IL12B: variants seen among roughly 807,000 people sequenced by gnomAD.
IL12B encodes interleukin 12B.
Under a neutral mutation model 39.2 loss-of-function variants are expected in IL12B, and 27 were observed. That is an observed-to-expected ratio of 0.69 (90% CI 0.51 to 0.95). The LOEUF is 0.95. IL12B is among the 40% of genes least tolerant of loss of function. The probability of loss-of-function intolerance (pLI) is 0.00; values close to 1 mark genes in which losing one functional copy is unlikely to be tolerated. For missense variants in IL12B, 351 were observed against 397.6 expected, an observed-to-expected ratio of 0.88 and a Z score of 1.00; for synonymous variants, 142 against 152.1, an observed-to-expected ratio of 0.93 and a Z score of 0.49.
chr5:159,321,366 TAC>T (rs745793598), intron 4 of IL12B, among the ~76,000 whole-genome samples: 1,107 of 85,686 alleles, frequency 0.013, 9 homozygotes, highest in African/African-American at 0.032. Flanking sequence ...TATATATATA[TAC>T]ACACACACAC....
intron 1 of IL12B, among the ~76,000 whole-genome samples, chr5:159,329,636 C>T (rs1171825572): frequency 4.0e-5 from 6 of 151,824 alleles, no homozygotes; most frequent in Non-Finnish European, 5.9e-5. Flanking sequence ...AAGGAATGTA[C>T]GGAAATCATA....
chr5:159,329,491 A>T (rs111240808), intron 1 of IL12B, among the ~76,000 whole-genome samples: 4 of 152,296 alleles, frequency 2.6e-5, no homozygotes, highest in African/African-American at 9.6e-5. Flanking sequence ...TGGCAACAAT[A>T]CAGTCTCTTC....
intron 6 of IL12B, among the ~76,000 whole-genome samples, chr5:159,317,128 G>A (rs1366067838): frequency 2.0e-5 from 3 of 152,198 alleles, no homozygotes; most frequent in African/African-American, 4.8e-5. Flanking sequence ...TGGTGAGAGA[G>A]AGACAGATTT....
chr5:159,319,527 G>A (rs1326242163), intron 5 of IL12B, among the ~76,000 whole-genome samples: 1 of 152,236 alleles, frequency 6.6e-6, no homozygotes, highest in Non-Finnish European at 1.5e-5. Flanking sequence ...AGAGGAGGCA[G>A]AGACATGCTA....
intron 3 of IL12B, 110 bp from the exon 4 acceptor site, chr5:159,322,621 G>A (rs188568627): frequency 9.1e-6 from 7 of 765,134 alleles, no homozygotes; most frequent in Admixed American, 3.8e-5. Flanking sequence ...TCTTCCATGC[G>A]TTGCCTCTTG....
At chr5:159,317,554 C>G (rs1754008512) in intron 6 of IL12B, among the ~76,000 whole-genome samples, 1 of 152,166 alleles carries the variant, frequency 6.6e-6, no homozygotes, top group Non-Finnish European at 1.5e-5. Context: ...TGAATTAGGG[C>G]TTTGTCCAGT....
At chr5:159,323,485 C>A (rs1754135715) in intron 2 of IL12B, among the ~76,000 whole-genome samples, 156 bp from the exon 3 acceptor site, 1 of 152,194 alleles carries the variant, frequency 6.6e-6, no homozygotes, top group Admixed American at 6.5e-5. Context: ...AGGCATGAGA[C>A]CCTGCTTGGG....
intron 6 of IL12B, among the ~76,000 whole-genome samples, chr5:159,317,377 C>T (rs3213108): frequency 0.016 from 2,489 of 152,248 alleles, 76 homozygotes; most frequent in African/African-American, 0.057. Flanking sequence ...ACATAGGAAG[C>T]ACTCAATATC....
rs143277765 is a variant in IL12B, at chr5:159,316,690, T to G, written c.982A>C (p.Ser328Arg). The stretch of plus-strand genomic sequence containing the variant: ...GCCTTTGAGGGCCTGCTCACCTAAC[T>G]GCAGGGCACAGATGCCCATTCGCTC... ...SWSEWASVPC[S>R] The change falls in exon 7 of 8, where the codon AGT becomes CGT. Residue 328 changes from serine (S) to arginine (R), a missense_variant. Transcript: ENST00000231228. The G allele has an allele frequency of 5.6e-6, 9 of 1,612,536 alleles. No individual in the cohort carries two copies. In the African/African-American group the frequency reaches 1.1e-4, roughly 19 times the overall value.
intron 5 of IL12B, 38 bp from the exon 6 acceptor site, chr5:159,318,931 A>C (rs766662954): frequency 1.3e-6 from 2 of 1,584,654 alleles, no homozygotes; most frequent in South Asian, 2.2e-5. Context: ...TTTCCTAATA[A>C]GGCTTTGGAG....
chr5:159,319,009 T>A, intron 5 of IL12B, 116 bp from the exon 6 acceptor site: 2 of 911,052 alleles, frequency 2.2e-6, no homozygotes, highest in Non-Finnish European at 3.5e-6. Context: ...GATAGTTACT[T>A]AACTTCTGTG....
chr5:159,321,161 C>T (rs1029991771), intron 4 of IL12B, among the ~76,000 whole-genome samples: 3 of 151,750 alleles, frequency 2.0e-5, no homozygotes, highest in South Asian at 2.1e-4. Flanking sequence ...ACCACACCCA[C>T]CTAATTTTTT....
intron 7 of IL12B, 148 bp from the exon 8 acceptor site, chr5:159,316,248 G>T (rs1276410964): frequency 2.1e-5 from 4 of 194,276 alleles, no homozygotes; most frequent in South Asian, 1.9e-4. Context: ...CTGGAATTTG[G>T]CTGGCACCAT....
At position 159,325,309 on chromosome 5, in the gene IL12B, C is replaced by T. The variant is rs573925819; in HGVS notation, c.88+1386G>A. Among the ~76,000 whole-genome samples the T allele has an allele frequency of 8.5e-5, 13 of 152,292 alleles. 1 individual carries two copies. Among genetic ancestry groups the T allele is most frequent in the African/African-American group, 2.9e-4 (12 of 41,556 alleles). On this transcript the variant is annotated intron_variant, in intron 2 of 7. Transcript: ENST00000231228. ...AGGGATCTGCCATATACCCCTGGCT[C>T]AGGCCTTTGCCTTTACTTAAGAGAG... is the stretch of plus-strand genomic sequence containing the variant.
intron 2 of IL12B, 59 bp from the exon 3 acceptor site, chr5:159,323,388 T>C (rs1754134500): frequency 6.5e-7 from 1 of 1,547,910 alleles, no homozygotes; most frequent in East Asian, 2.2e-5. Context: ...TGGGACTGTG[T>C]TTTATTAACC....
chr5:159,318,611 G>A (rs1754029356), intron 6 of IL12B, 125 bp downstream of exon 6: 1 of 928,794 alleles, frequency 1.1e-6, no homozygotes, highest in Non-Finnish European at 1.8e-6. Context: ...GAATTTCTCA[G>A]AATGTATCCC....
chr5:159,316,838 G>A lies in IL12B; in HGVS notation c.856-22C>T, dbSNP rs11574790. 181,222 of 1,612,714 alleles carry A rather than the reference G, an allele frequency of 0.11. 11,178 individuals carry two copies. The highest frequency in any genetic ancestry group is 0.2 in the African/African-American group (14,629 of 74,996). ...CTTTCTGCAAAAGAGAAGGAAAGCTGTGAAGACCCCTTGGCAACATAGTCA... is the reference window on the plus strand; with the variant it reads ...CTTTCTGCAAAAGAGAAGGAAAGCTATGAAGACCCCTTGGCAACATAGTCA... On this transcript the variant is annotated intron_variant, in intron 6 of 7. Coordinates refer to ENST00000231228, the MANE Select transcript of IL12B (RefSeq NM_002187.3).
chr5:159,321,407 T>A (rs1754091207), intron 4 of IL12B, among the ~76,000 whole-genome samples: 1 of 151,452 alleles, frequency 6.6e-6, no homozygotes. Flanking sequence ...ACACATTATA[T>A]ATATAATCCA....
intron 4 of IL12B, among the ~76,000 whole-genome samples, chr5:159,322,172 T>A (rs1463368648): frequency 6.6e-6 from 1 of 152,182 alleles, no homozygotes; most frequent in Non-Finnish European, 1.5e-5. Flanking sequence ...CTATTCTCAG[T>A]TCCCAATAAT....
Sources: allele counts gnomAD v4.1 joint callset (sites outside exome capture counted in the v4.1 genomes callset), GRCh38; gene constraint gnomAD v4.1.1; transcripts MANE v1.5; gene names NCBI Gene and HGNC (gene_info 2026-07-23, HGNC 2026-07-21).